RUNX2: variants seen among roughly 807,000 people sequenced by gnomAD.
The protein encoded by RUNX2 is runt-related transcription factor 2.
Under a neutral mutation model 51.7 loss-of-function variants are expected in RUNX2, and 10 were observed. The ratio of observed to expected loss-of-function variants is 0.19; its 90% CI spans 0.12 to 0.33. The LOEUF (loss-of-function observed/expected upper bound fraction) is 0.33, where lower values mean the gene tolerates loss of function less well. RUNX2 is among the 10% of genes least tolerant of loss of function. RUNX2 has a pLI of 1.00. For missense variants in RUNX2, 562 were observed against 691.3 expected, an observed-to-expected ratio of 0.81 and a Z score of 2.10; for synonymous variants, 276 against 273.6, an observed-to-expected ratio of 1.01 and a Z score of -0.09.
chr6:45,337,679 T>A (rs1788864262), intron 2 of RUNX2, among the ~76,000 whole-genome samples: 1 of 151,792 alleles, frequency 6.6e-6, no homozygotes, highest in Admixed American at 6.6e-5. Context: ...GAGCAAAACA[T>A]TTTGAATGTA....
intron 2 of RUNX2, among the ~76,000 whole-genome samples, chr6:45,392,707 ATTT>A (rs35963405): frequency 6.8e-6 from 1 of 147,222 alleles, no homozygotes; most frequent in Non-Finnish European, 1.5e-5. Context: ...GCCTAGATCT[ATTT>A]TTTTTTTTTT....
chr6:45,521,961 C>T (rs1168802858), intron 7 of RUNX2, among the ~76,000 whole-genome samples: 1 of 152,122 alleles, frequency 6.6e-6, no homozygotes, highest in Non-Finnish European at 1.5e-5. Context: ...ACTTTTAGAG[C>T]TGTTTTTTTG....
chr6:45,520,095 G>A (rs556344929), intron 7 of RUNX2, among the ~76,000 whole-genome samples: 1 of 152,034 alleles, frequency 6.6e-6, no homozygotes, highest in Admixed American at 6.6e-5. Context: ...GCCTCCCAAA[G>A]TGCTGGGATT....
chr6:45,423,026 C>A, intron 3 of RUNX2, 69 bp downstream of exon 3: 1 of 1,573,524 alleles, frequency 6.4e-7, no homozygotes, highest in Non-Finnish European at 8.6e-7. Context: ...GTCTTCCTGC[C>A]CACGGGGCTG....
At chr6:45,449,198 TTTCTC>T (rs1278860233) in intron 5 of RUNX2, among the ~76,000 whole-genome samples, 2 of 152,212 alleles carry the variant, frequency 1.3e-5, no homozygotes, top group African/African-American at 4.8e-5. Context: ...CCACTAAACT[TTTCTC>T]TACTTCTATT....
At position 45,458,537 on chromosome 6, in the gene RUNX2, T is replaced by G. The variant is rs1582133349; in HGVS notation, c.685+20486T>G. 2.6e-5 allele frequency among the ~76,000 whole-genome samples: 4 copies of G among 152,234 alleles called. No individual in the cohort carries two copies. The East Asian group carries it at 7.7e-4, about 29-fold the overall frequency. On this transcript the variant is annotated intron_variant, in intron 5 of 8. Coordinates refer to ENST00000647337, the MANE Select transcript of RUNX2 (RefSeq NM_001024630.4). The stretch of plus-strand genomic sequence containing the variant: ...TATTCCGTGTCACCAATGTGTTAAC[T>G]GGCAAATACATTATGATCTCCTTCA...
At chr6:45,432,494 T>G (rs1798569735) in intron 4 of RUNX2, among the ~76,000 whole-genome samples, 1 of 152,200 alleles carries the variant, frequency 6.6e-6, no homozygotes, top group South Asian at 2.1e-4. Context: ...TAGTAAGAAT[T>G]TATTAAAAAC....
rs781363784 is a variant in RUNX2 at position 45,340,696 on chromosome 6, C to T, written c.58+11912C>T. Among the ~76,000 whole-genome samples the T allele has an allele frequency of 4.4e-4, 67 of 152,104 alleles. 1 individual carries two copies. Among genetic ancestry groups the T allele is most frequent in the Admixed American group, 1.2e-3 (19 of 15,280 alleles). On this transcript the variant is annotated intron_variant, in intron 2 of 8. Coordinates refer to ENST00000647337, the MANE Select transcript of RUNX2 (RefSeq NM_001024630.4). ...ATTCTTAATCATTATAATTAATAGT[C>T]TTAATGTCCACAATACACATATATA...
intron 7 of RUNX2, among the ~76,000 whole-genome samples, chr6:45,539,088 A>ACACT (rs1251388381): frequency 2.0e-5 from 3 of 152,054 alleles, no homozygotes; most frequent in Admixed American, 6.6e-5. Context: ...GTATGCATAC[A>ACACT]CACTCACTCA....
chr6:45,473,583 T>C (rs1335983641), intron 5 of RUNX2, among the ~76,000 whole-genome samples: 1 of 152,202 alleles, frequency 6.6e-6, no homozygotes, highest in Non-Finnish European at 1.5e-5. Context: ...ATTAAGGGTA[T>C]GGTACATAAA....
chr6:45,456,295 T>C (rs1799316474), intron 5 of RUNX2, among the ~76,000 whole-genome samples: 1 of 152,222 alleles, frequency 6.6e-6, no homozygotes, highest in South Asian at 2.1e-4. Context: ...ATTTTTTAAT[T>C]ATTCAAAGGA....
chr6:45,384,709 T>C (rs1278600782), intron 2 of RUNX2, among the ~76,000 whole-genome samples: 3 of 80,660 alleles, frequency 3.7e-5, no homozygotes, highest in African/African-American at 2.2e-4. Context: ...AGGGTGTCTT[T>C]TTTTTTTTTT....
chr6:45,499,202 G>A (rs1000568636), intron 6 of RUNX2, among the ~76,000 whole-genome samples: 6 of 152,202 alleles, frequency 3.9e-5, no homozygotes, highest in Admixed American at 3.9e-4. Flanking sequence ...TGGTGGTGCA[G>A]TGTTGTAATT....
intron 2 of RUNX2, among the ~76,000 whole-genome samples, chr6:45,403,560 T>C (rs1250430529): frequency 6.6e-6 from 1 of 152,182 alleles, no homozygotes; most frequent in Non-Finnish European, 1.5e-5. Context: ...AACATAGATG[T>C]GTTTAATCTA....
intron 7 of RUNX2, 127 bp from the exon 8 acceptor site, chr6:45,545,090 T>A: frequency 1.3e-6 from 1 of 780,522 alleles, no homozygotes; most frequent in Admixed American, 2.0e-5. Flanking sequence ...GAAATACTAA[T>A]GAGGGATGGG....
chr6:45,494,614 A>C (rs1800585890), intron 6 of RUNX2, among the ~76,000 whole-genome samples: 1 of 152,088 alleles, frequency 6.6e-6, no homozygotes, highest in South Asian at 2.1e-4. Flanking sequence ...ACTCTTGGCC[A>C]TGTGAGCTTT....
intron 5 of RUNX2, among the ~76,000 whole-genome samples, chr6:45,454,387 G>A (rs1365770913): frequency 6.6e-6 from 1 of 152,232 alleles, no homozygotes; most frequent in Non-Finnish European, 1.5e-5. Context: ...AGCTTTCGTA[G>A]CATGAGATTT....
intron 2 of RUNX2, among the ~76,000 whole-genome samples, chr6:45,338,678 T>C (rs559812162): frequency 5.5e-4 from 83 of 152,258 alleles, no homozygotes; most frequent in South Asian, 2.3e-3. Flanking sequence ...CTGGGCAATA[T>C]AAATTTGGGT....
At chr6:45,484,104 A>C (rs1410027022) in intron 5 of RUNX2, among the ~76,000 whole-genome samples, 1 of 152,146 alleles carries the variant, frequency 6.6e-6, no homozygotes, top group East Asian at 1.9e-4. Flanking sequence ...GTAGACGAGG[A>C]AGCTAAGACC....
Sources: allele counts gnomAD v4.1 joint callset (sites outside exome capture counted in the v4.1 genomes callset), GRCh38; gene constraint gnomAD v4.1.1; transcripts MANE v1.5; gene names NCBI Gene and HGNC (gene_info 2026-07-23, HGNC 2026-07-21).